The following REDIC1 variants were observed in gnomAD, a reference collection of about 807,000 sequenced individuals.
The protein encoded by REDIC1 is regulator of DNA class I crossover intermediates 1.
chr12:39,640,910 C>T, the REDIC1 span: 1 of 1,464,620 alleles, frequency 6.8e-7, no homozygotes, highest in South Asian at 1.2e-5. Flanking sequence ...GTCTTAAAGG[C>T]CATTTCTTTG....
chr12:39,907,309 A>C, the REDIC1 span, among the ~76,000 whole-genome samples: 1 of 152,150 alleles, frequency 6.6e-6, no homozygotes, highest in Non-Finnish European at 1.5e-5. Context: ...TTATTCATAG[A>C]TGTAGTGAGC....
chr12:39,864,868 G>A, the REDIC1 span: 1 of 1,612,640 alleles, frequency 6.2e-7, no homozygotes, highest in Admixed American at 1.7e-5. Flanking sequence ...AGAATAATGA[G>A]TGCTACGGTG....
the REDIC1 span, among the ~76,000 whole-genome samples, chr12:39,825,263 T>C: frequency 6.6e-6 from 1 of 152,112 alleles, no homozygotes; most frequent in African/African-American, 2.4e-5. Flanking sequence ...AGGTTTTGTA[T>C]ATATGGAGAG....
the REDIC1 span, among the ~76,000 whole-genome samples, chr12:39,713,149 G>A: frequency 6.7e-6 from 1 of 149,772 alleles, no homozygotes; most frequent in Non-Finnish European, 1.5e-5. Context: ...ATGTAGATAT[G>A]TGCATATACA....
chr12:39,812,230 G>A, the REDIC1 span, among the ~76,000 whole-genome samples: 1 of 152,042 alleles, frequency 6.6e-6, no homozygotes, highest in African/African-American at 2.4e-5. Context: ...TCTATCTGGG[G>A]CCCCTTTATA....
the REDIC1 span, among the ~76,000 whole-genome samples, chr12:39,845,681 C>T: frequency 1.3e-5 from 2 of 152,238 alleles, no homozygotes; most frequent in Admixed American, 1.3e-4. Flanking sequence ...AGGCATCCCC[C>T]TAGATAGCAT....
chr12:39,746,706 T>A, the REDIC1 span, among the ~76,000 whole-genome samples: 2 of 152,076 alleles, frequency 1.3e-5, no homozygotes, highest in Non-Finnish European at 2.9e-5. Flanking sequence ...CTCACACGGC[T>A]GGGTGCCCCC....
chr12:39,834,162 AC>A, the REDIC1 span, among the ~76,000 whole-genome samples: 1 of 152,046 alleles, frequency 6.6e-6, no homozygotes, highest in East Asian at 1.9e-4. Context: ...TTGGTTAAAT[AC>A]ATTTGTTATG....
chr12:39,886,467 A>G, the REDIC1 span, among the ~76,000 whole-genome samples: 1 of 152,182 alleles, frequency 6.6e-6, no homozygotes, highest in Non-Finnish European at 1.5e-5. Flanking sequence ...AAGAAATGCA[A>G]TTATCTATCA....
chr12:39,896,398 A>G, the REDIC1 span, among the ~76,000 whole-genome samples: 1 of 135,270 alleles, frequency 7.4e-6, no homozygotes, highest in Non-Finnish European at 1.6e-5. Flanking sequence ...ATGTGTATAT[A>G]TGTATACATA....
At chr12:39,697,729 G>GA in the REDIC1 span, among the ~76,000 whole-genome samples, 1 of 151,836 alleles carries the variant, frequency 6.6e-6, no homozygotes, top group African/African-American at 2.4e-5. Context: ...CAAGCCTTAT[G>GA]AAAAACTCAA....
chr12:39,713,079 ACG>A, the REDIC1 span, among the ~76,000 whole-genome samples: 3 of 147,554 alleles, frequency 2.0e-5, no homozygotes, highest in East Asian at 2.0e-4. Context: ...ACACGTGCAT[ACG>A]TGTATGTGTA....
the REDIC1 span, among the ~76,000 whole-genome samples, chr12:39,653,557 C>T: frequency 2.6e-3 from 148 of 56,088 alleles, 3 homozygotes; most frequent in Admixed American, 4.2e-3. Flanking sequence ...TCTTCTTCTT[C>T]TTTCTTCTTC....
At chr12:39,898,756 A>G in the REDIC1 span, among the ~76,000 whole-genome samples, 1 of 152,136 alleles carries the variant, frequency 6.6e-6, no homozygotes, top group African/African-American at 2.4e-5. Flanking sequence ...AGAGTCACCC[A>G]CACTACTTAC....
At chr12:39,704,134 G>A in the REDIC1 span, among the ~76,000 whole-genome samples, 3 of 151,682 alleles carry the variant, frequency 2.0e-5, no homozygotes, top group African/African-American at 7.2e-5. Context: ...GAGTGAACAG[G>A]CAACCTACAA....
the REDIC1 span, among the ~76,000 whole-genome samples, chr12:39,899,389 T>C: frequency 6.6e-6 from 1 of 152,154 alleles, no homozygotes; most frequent in African/African-American, 2.4e-5. Context: ...TTATTAGTCT[T>C]GCTAGCGGTC....
chr12:39,801,544 T>G, the REDIC1 span, among the ~76,000 whole-genome samples: 2 of 152,262 alleles, frequency 1.3e-5, no homozygotes, highest in East Asian at 3.9e-4. Context: ...CCATTTAAGA[T>G]TATTTTAAAA....
At chr12:39,859,690 T>A in the REDIC1 span, among the ~76,000 whole-genome samples, 1 of 151,348 alleles carries the variant, frequency 6.6e-6, no homozygotes, top group Non-Finnish European at 1.5e-5. Flanking sequence ...ACCTGGCTAA[T>A]TTTTTTTTGT....
At chr12:39,736,320 C>G in the REDIC1 span, among the ~76,000 whole-genome samples, 174 of 152,292 alleles carry the variant, frequency 1.1e-3, no homozygotes, top group African/African-American at 4.1e-3. Context: ...TATCCTATGC[C>G]TCTTCCACCA....
Sources: gnomAD v4.1 joint callset for allele counts (sites outside exome capture counted in the v4.1 genomes callset) on GRCh38, gnomAD v4.1.1 for gene constraint, MANE v1.5 for transcripts, NCBI Gene and HGNC (gene_info 2026-07-23, HGNC 2026-07-21) for gene names.